GSK3B: variants seen among roughly 807,000 people sequenced by gnomAD.
GSK3B encodes glycogen synthase kinase-3 beta.
A neutral mutation model predicts 56.4 loss-of-function variants in GSK3B; 15 were observed. That is an observed-to-expected ratio of 0.27 (90% CI 0.18 to 0.41). The LOEUF is 0.41. GSK3B is among the 10% of genes least tolerant of loss of function. The probability of loss-of-function intolerance (pLI) is 1.00; values close to 1 mark genes in which losing one functional copy is unlikely to be tolerated. For missense variants in GSK3B, 300 were observed against 513.4 expected, an observed-to-expected ratio of 0.58 and a Z score of 4.02; for synonymous variants, 181 against 188.9, an observed-to-expected ratio of 0.96 and a Z score of 0.34.
intron 3 of GSK3B, 141 bp from the exon 4 acceptor site, chr3:119,923,624 T>C (rs1371094178): frequency 8.8e-6 from 4 of 452,214 alleles, no homozygotes; most frequent in African/African-American, 2.0e-5. Context: ...TATATAAAAT[T>C]ACTTCAGAAT....
chr3:120,000,653 C>T (rs571433402), intron 2 of GSK3B, among the ~76,000 whole-genome samples: 34 of 152,064 alleles, frequency 2.2e-4, no homozygotes, highest in Non-Finnish European at 3.5e-4. Flanking sequence ...TAATTACACC[C>T]GGTGTCTTCT....
At chr3:120,021,956 G>T (rs1337591311) in intron 1 of GSK3B, among the ~76,000 whole-genome samples, 2 of 152,194 alleles carry the variant, frequency 1.3e-5, no homozygotes, top group African/African-American at 4.8e-5. Flanking sequence ...AGCTAATCAG[G>T]AGGCAGAAGT....
chr3:120,084,129 A>G (rs2058444408), intron 1 of GSK3B, among the ~76,000 whole-genome samples: 1 of 152,236 alleles, frequency 6.6e-6, no homozygotes, highest in South Asian at 2.1e-4. Flanking sequence ...ATATCTCAAT[A>G]AAGCTATTCT....
At chr3:119,995,131 G>A (rs1473831631) in intron 2 of GSK3B, among the ~76,000 whole-genome samples, 1 of 148,542 alleles carries the variant, frequency 6.7e-6, no homozygotes, top group Non-Finnish European at 1.5e-5. Flanking sequence ...TTTGAGACCA[G>A]CCTGGGCAAA....
chr3:120,059,209 C>T (rs987656132), intron 1 of GSK3B, among the ~76,000 whole-genome samples: 3 of 152,008 alleles, frequency 2.0e-5, no homozygotes, highest in Non-Finnish European at 2.9e-5. Flanking sequence ...ACCAAAAATA[C>T]TCAATAAAAT....
intron 1 of GSK3B, among the ~76,000 whole-genome samples, chr3:120,006,566 C>G (rs569756293): frequency 6.6e-6 from 1 of 152,320 alleles, no homozygotes; most frequent in Admixed American, 6.5e-5. Context: ...CAAACTGTCT[C>G]TCAGACCACA....
chr3:119,857,137 G>A (rs1413469617), intron 9 of GSK3B, among the ~76,000 whole-genome samples: 1 of 152,162 alleles, frequency 6.6e-6, no homozygotes, highest in African/African-American at 2.4e-5. Context: ...TGTGGGTGGA[G>A]GGTCTTATAC....
At position 119,982,640 on chromosome 3, in the gene GSK3B, T is replaced by C. The variant is rs185910184; in HGVS notation, c.282+19406A>G. 7.7e-3 allele frequency among the ~76,000 whole-genome samples: 1,169 copies of C among 151,996 alleles called. 12 individuals are homozygous for C. Among genetic ancestry groups the C allele is most frequent in the Middle Eastern group, 0.041 (12 of 294 alleles). On this transcript the variant is annotated intron_variant, in intron 2 of 10. Coordinates refer to ENST00000264235, the MANE Select transcript of GSK3B (RefSeq NM_001146156.2). ...GTCACTGAAGATCATATTAATGAAATAAAGCGAGAAGGTTAGAGAAAAAAG... is the reference window on the plus strand; with the variant it reads ...GTCACTGAAGATCATATTAATGAAACAAAGCGAGAAGGTTAGAGAAAAAAG...
At chr3:120,071,099 T>C (rs2058322913) in intron 1 of GSK3B, among the ~76,000 whole-genome samples, 1 of 152,208 alleles carries the variant, frequency 6.6e-6, no homozygotes, top group Non-Finnish European at 1.5e-5. Context: ...AGGGATGCTA[T>C]AAGCAGCATT....
chr3:120,040,861 A>G (rs897390871), intron 1 of GSK3B, among the ~76,000 whole-genome samples: 2 of 151,334 alleles, frequency 1.3e-5, no homozygotes, highest in African/African-American at 4.9e-5. Flanking sequence ...ATCCTGCTTC[A>G]TATCCTTCCC....
At chr3:119,887,568 A>G (rs1462352816) in intron 7 of GSK3B, among the ~76,000 whole-genome samples, 1 of 152,136 alleles carries the variant, frequency 6.6e-6, no homozygotes, top group Non-Finnish European at 1.5e-5. Flanking sequence ...CACTGAATTA[A>G]AAAAATAGCA....
In GSK3B at chr3:119,826,761, C is replaced by A; in HGVS notation, c.*27G>T. On this transcript the variant is annotated 3_prime_UTR_variant, in exon 11 of 11. Coordinates refer to ENST00000264235, the MANE Select transcript of GSK3B (RefSeq NM_001146156.2). ...GACACTCAAGTAACTGGTGGTTTTT[C>A]CTGTGCAGCTGGCTGCTCGGGACTG... The A allele has an allele frequency of 6.5e-7, 1 of 1,529,284 alleles. No homozygotes were observed. Among genetic ancestry groups the A allele is most frequent in the Non-Finnish European group, 9.1e-7 (1 of 1,102,430 alleles). 94.7% of individuals were successfully genotyped at this position (1,529,284 alleles called of 1,614,324 possible). A position where few individuals can be genotyped will look rare whatever the true frequency, so the allele number is the denominator to read the frequency against.
intron 2 of GSK3B, among the ~76,000 whole-genome samples, chr3:119,949,422 T>C (rs1225642226): frequency 2.0e-5 from 3 of 152,092 alleles, no homozygotes; most frequent in Non-Finnish European, 4.4e-5. Flanking sequence ...GAAACAGCAC[T>C]GTGGTTATAG....
At chr3:119,954,050 A>G (rs535201411) in intron 2 of GSK3B, among the ~76,000 whole-genome samples, 10 of 152,174 alleles carry the variant, frequency 6.6e-5, no homozygotes, top group Non-Finnish European at 1.0e-4. Context: ...CCAACATACT[A>G]TAAGTGTTTT....
Position 119,923,421 on chromosome 3 carries a change from G to A in GSK3B, c.429C>T (p.Ala143=), listed in dbSNP as rs1315411191. Residue 143 remains alanine (A), a synonymous_variant, in exon 4 of 11, where the codon GCC becomes GCT. Coordinates refer to ENST00000264235, the MANE Select transcript of GSK3B (RefSeq NM_001146156.2). ...DYVPETVYRV[A]RHYSRAKQTL... is the part of the protein sequence containing the mutation. ...TCTGTTTGGCTCGACTATAGTGTCT[G>A]GCAACTCTGTATACTGTTTCCGGAA... The A allele has an allele frequency of 1.2e-6, 2 of 1,604,488 alleles. No homozygotes were observed. The highest frequency in any genetic ancestry group is 1.7e-6 in the Non-Finnish European group (2 of 1,172,588).
At chr3:120,004,836 T>C (rs191758821) in intron 1 of GSK3B, among the ~76,000 whole-genome samples, 303 of 151,774 alleles carry the variant, frequency 2.0e-3, no homozygotes, top group African/African-American at 7.0e-3. Flanking sequence ...AGCAGAAAGG[T>C]TGAAAATTCC....
chr3:120,093,882 G>C lies in GSK3B; in HGVS notation c.-448C>G, dbSNP rs989657062. The C allele has an allele frequency of 5.8e-6, 1 of 171,128 alleles. No individual in the cohort carries two copies. The highest frequency in any genetic ancestry group is 2.4e-5 in the African/African-American group (1 of 41,284). 10.6% of individuals were successfully genotyped at this position (171,128 alleles called of 1,614,324 possible). A position where few individuals can be genotyped will look rare whatever the true frequency, so the allele number is the denominator to read the frequency against. ...GGATCACGAGTCTCACGCTTGAAGAGAAAGGGGGATGGGTAGGAGGGAGGG... is the reference window on the plus strand; with the variant it reads ...GGATCACGAGTCTCACGCTTGAAGACAAAGGGGGATGGGTAGGAGGGAGGG... On this transcript the variant is annotated 5_prime_UTR_variant, in exon 1 of 11. Coordinates refer to ENST00000264235, the MANE Select transcript of GSK3B (RefSeq NM_001146156.2).
chr3:119,987,551 G>A (rs2057527770), intron 2 of GSK3B, among the ~76,000 whole-genome samples: 1 of 152,136 alleles, frequency 6.6e-6, no homozygotes, highest in Admixed American at 6.6e-5. Flanking sequence ...TATTGGTAAA[G>A]TTAAAGGGGT....
chr3:120,065,979 T>C (rs748406025), intron 1 of GSK3B, among the ~76,000 whole-genome samples: 4 of 152,094 alleles, frequency 2.6e-5, no homozygotes, highest in African/African-American at 4.8e-5. Context: ...CCTTAATGAA[T>C]ATAGGGTTTC....
Sources: allele counts gnomAD v4.1 joint callset (sites outside exome capture counted in the v4.1 genomes callset), GRCh38; gene constraint gnomAD v4.1.1; transcripts MANE v1.5; gene names NCBI Gene and HGNC (gene_info 2026-07-23, HGNC 2026-07-21).